LRRC75A: variants seen among roughly 807,000 people sequenced by gnomAD.
The protein encoded by LRRC75A is leucine rich repeat containing 75A, also known as leucine-rich repeat-containing protein 75A.
In LRRC75A, 12 loss-of-function variants were observed where a neutral mutation model predicts 26.0. The ratio of observed to expected loss-of-function variants is 0.46; its 90% CI spans 0.30 to 0.75. The LOEUF (loss-of-function observed/expected upper bound fraction) is 0.75. LRRC75A is among the 30% of genes least tolerant of loss of function. LRRC75A has a pLI of 0.08. For missense variants in LRRC75A, 410 were observed against 486.6 expected (o/e 0.84, Z 1.48); for synonymous variants, 223 against 219.3 (o/e 1.02, Z -0.15).
chr17:16,474,723 G>A (rs112045432), intron 1 of LRRC75A, among the ~76,000 whole-genome samples: 24 of 151,986 alleles, frequency 1.6e-4, no homozygotes, highest in African/African-American at 4.6e-4. Flanking sequence ...GGCCGGGCGC[G>A]GTGGCTCACG....
In LRRC75A at chr17:16,442,299, C is replaced by G. The variant is rs569577855; in HGVS notation, c.*1289G>C. 3 of 152,294 alleles carry G rather than the reference C, an allele frequency of 2.0e-5. No homozygotes were observed. The highest frequency in any genetic ancestry group is 4.4e-5 in the Non-Finnish European group (3 of 68,104). The allele number at this position is 152,294 out of a possible 1,614,324, so 9.4% of individuals were successfully genotyped here. On this transcript the variant is annotated 3_prime_UTR_variant, in exon 4 of 4. Coordinates refer to ENST00000470794, the MANE Select transcript of LRRC75A (RefSeq NM_001113567.3). The stretch of plus-strand genomic sequence containing the variant: ...ACAACCTTAACAGCATGTAGGGCCC[C>G]ATACTCTAGGCCCCATCTTGCTGTC...
At position 16,462,132 on chromosome 17, in the gene LRRC75A, C is replaced by G. The variant is rs2093731988; in HGVS notation, c.375+126G>C. 8.0e-7 allele frequency: 1 copy of G among 1,244,152 alleles called. No individual in the cohort carries two copies. The highest frequency in any genetic ancestry group is 2.5e-5 in the Admixed American group (1 of 39,634). The allele number at this position is 1,244,152 out of a possible 1,614,324, so 77.1% of individuals were successfully genotyped here. Reference sequence around the variant, plus strand: ...GGAGAGCACCTCAAGCTCTTGGTGCCTGGAGGACGGGCTTGTCCTCCTTGG... The same window carrying G: ...GGAGAGCACCTCAAGCTCTTGGTGCGTGGAGGACGGGCTTGTCCTCCTTGG... On this transcript the variant is annotated intron_variant, in intron 2 of 3. Transcript: ENST00000470794. This position sits in a 1 kb window ranked among gnomAD's most constrained non-coding sequence, Gnocchi z 4.6.
chr17:16,461,052 C>T (rs2093723782), intron 2 of LRRC75A: 1 of 152,510 alleles, frequency 6.6e-6, no homozygotes, highest in South Asian at 2.1e-4. Flanking sequence ...CATTGTGCTC[C>T]TGACCCTGGC....
chr17:16,477,008 G>C (rs551037453), intron 1 of LRRC75A, among the ~76,000 whole-genome samples: 2 of 152,126 alleles, frequency 1.3e-5, no homozygotes, highest in South Asian at 2.1e-4. Context: ...AAAGTGCTGG[G>C]ATTACAGGCG....
chr17:16,469,808 T>G (rs2093796668), intron 1 of LRRC75A, among the ~76,000 whole-genome samples: 1 of 152,312 alleles, frequency 6.6e-6, no homozygotes, highest in South Asian at 2.1e-4. Context: ...TCTTCCCGCC[T>G]TGGGAGTTGC....
intron 2 of LRRC75A, among the ~76,000 whole-genome samples, chr17:16,448,805 G>A (rs2093607618): frequency 6.6e-6 from 1 of 152,232 alleles, no homozygotes; most frequent in African/African-American, 2.4e-5. Context: ...ACCTAGGAGA[G>A]AGCCTCAGAA....
chr17:16,460,361 T>A (rs1225923243), intron 2 of LRRC75A, among the ~76,000 whole-genome samples: 1 of 152,156 alleles, frequency 6.6e-6, no homozygotes, highest in Non-Finnish European at 1.5e-5. Context: ...AAAGGGAAGA[T>A]CAGAAGGCAG....
Position 16,444,091 on chromosome 17 carries a change from CTG to C in LRRC75A, c.530_531del (p.Thr177SerfsTer75), listed in dbSNP as rs761851799. 6.2e-7 allele frequency: 1 copy of C among 1,610,294 alleles called. No individual in the cohort carries two copies. The highest frequency in any genetic ancestry group is 8.5e-7 in the Non-Finnish European group (1 of 1,177,584). On this transcript the variant is annotated frameshift_variant, in exon 4 of 4. Transcript: ENST00000470794. LOFTEE classifies it high-confidence loss of function. Reference protein sequence around the residue: ...AVLAGSPPDNTVDLSGIPLTS... With the variant: ...AVLAGSPPDNXVDLSGIPLTS... ...GTCAGTGGGATTCCCGACAGGTCCA[CTG>C]TGTTGTCTGGGGGGCTTCCGGCCAG...
At chr17:16,451,223 G>C (rs1233757040) in intron 2 of LRRC75A, among the ~76,000 whole-genome samples, 1 of 152,140 alleles carries the variant, frequency 6.6e-6, no homozygotes, top group Non-Finnish European at 1.5e-5. Context: ...TGACTAATGG[G>C]GTTAGACCCC....
rs115942256 is a variant in LRRC75A at position 16,464,344 on chromosome 17, A to G, written c.247-1958T>C. On this transcript the variant is annotated intron_variant, in intron 1 of 3. Coordinates refer to ENST00000470794, the MANE Select transcript of LRRC75A (RefSeq NM_001113567.3). ...GCTGCACCCCCTTGTAGAAGCAGGT[A>G]CAATACCCGCCTTTGACCTCTGGCC... Among the ~76,000 whole-genome samples, 475 of 152,300 alleles carry G rather than the reference A, an allele frequency of 3.1e-3. 2 individuals are homozygous for G. The highest frequency in any genetic ancestry group is 0.011 in the African/African-American group (444 of 41,554).
At chr17:16,469,280 C>T (rs1343873649) in intron 1 of LRRC75A, among the ~76,000 whole-genome samples, 1 of 152,174 alleles carries the variant, frequency 6.6e-6, no homozygotes, top group African/African-American at 2.4e-5. Context: ...TCTTATTTTG[C>T]TTGTTAATCT....
At chr17:16,453,059 G>C (rs1018911004) in intron 2 of LRRC75A, among the ~76,000 whole-genome samples, 5 of 152,142 alleles carry the variant, frequency 3.3e-5, no homozygotes, top group African/African-American at 1.2e-4. Flanking sequence ...GGGAGGCCGA[G>C]GCAGGCGGAT....
At chr17:16,467,721 G>A (rs186129022) in intron 1 of LRRC75A, among the ~76,000 whole-genome samples, 7 of 152,276 alleles carry the variant, frequency 4.6e-5, no homozygotes, top group Admixed American at 4.6e-4. Flanking sequence ...CGGCCCTGGC[G>A]CCTGTAGGGC....
In LRRC75A at chr17:16,491,576, C is replaced by T. The variant is rs2093857284; in HGVS notation, c.246+169G>A. Among the ~76,000 whole-genome samples the T allele has an allele frequency of 6.6e-6, 1 of 152,196 alleles. No individual in the cohort carries two copies. Among genetic ancestry groups the T allele is most frequent in the African/African-American group, 2.4e-5 (1 of 41,464 alleles). On this transcript the variant is annotated intron_variant, in intron 1 of 3. Coordinates refer to ENST00000470794, the MANE Select transcript of LRRC75A (RefSeq NM_001113567.3). This position sits in a 1 kb window ranked among gnomAD's most constrained non-coding sequence, Gnocchi z 5.9. ...CCCTGCCCTGAGGCCCCACATTCAG[C>T]GGAAGCGCCGAGGCACCTGCTGCCA...
intron 1 of LRRC75A, among the ~76,000 whole-genome samples, chr17:16,487,592 C>T (rs1189753104): frequency 6.6e-6 from 1 of 152,228 alleles, no homozygotes; most frequent in Non-Finnish European, 1.5e-5. Context: ...GTGCACACTA[C>T]CACACTTGGC....
At position 16,449,344 on chromosome 17, in the gene LRRC75A, C is replaced by T. The variant is rs1046793390; in HGVS notation, c.376-1384G>A. 2.6e-5 allele frequency among the ~76,000 whole-genome samples: 4 copies of T among 152,184 alleles called. No homozygotes were observed. In the East Asian group the frequency reaches 5.8e-4, roughly 22 times the overall value. On this transcript the variant is annotated intron_variant, in intron 2 of 3. Coordinates refer to ENST00000470794, the MANE Select transcript of LRRC75A (RefSeq NM_001113567.3). The stretch of plus-strand genomic sequence containing the variant: ...GGGGATTCAAGTCCTGGCTTTGTCC[C>T]GTTCTGTGTGGCCTTGGACAATTGC...
At chr17:16,448,068 TG>T in intron 2 of LRRC75A, 108 bp from the exon 3 acceptor site, 1 of 1,003,702 alleles carries the variant, frequency 1.0e-6, no homozygotes, top group Non-Finnish European at 1.5e-6. Context: ...CAGGCTGAGC[TG>T]GGGGAGGCCC....
chr17:16,446,970 C>T lies in LRRC75A; in HGVS notation c.491+875G>A. ...GGCGGGTCCAGAACAGAAGGAGGCACCAGAGTTCTTTCTTCTCCATGAGGG... is the reference window on the plus strand; with the variant it reads ...GGCGGGTCCAGAACAGAAGGAGGCATCAGAGTTCTTTCTTCTCCATGAGGG... On this transcript the variant is annotated intron_variant, in intron 3 of 3. Transcript: ENST00000470794. The T allele has an allele frequency of 1.6e-5, 6 of 370,642 alleles. No homozygotes were observed. In the Middle Eastern group the frequency reaches 1.1e-3, roughly 69 times the overall value. 23.0% of individuals were successfully genotyped at this position (370,642 alleles called of 1,614,324 possible). A position where few individuals can be genotyped will look rare whatever the true frequency, so the allele number is the denominator to read the frequency against.
At chr17:16,449,556 C>T (rs1379863369) in intron 2 of LRRC75A, among the ~76,000 whole-genome samples, 1 of 152,204 alleles carries the variant, frequency 6.6e-6, no homozygotes, top group East Asian at 1.9e-4. Context: ...AGAATTCTGG[C>T]AGGGCAAGGA....
Sources: allele counts gnomAD v4.1 joint callset (sites outside exome capture counted in the v4.1 genomes callset), GRCh38; gene constraint gnomAD v4.1.1; non-coding constraint Gnocchi (gnomAD v3.1); transcripts MANE v1.5; gene names NCBI Gene and HGNC (gene_info 2026-07-23, HGNC 2026-07-21).